Variants in VAV2 observed in about 807,000 individuals in gnomAD.
VAV2 encodes guanine nucleotide exchange factor VAV2.
Under a neutral mutation model 132.5 loss-of-function variants are expected in VAV2, and 67 were observed. The ratio of observed to expected loss-of-function variants is 0.51; its 90% confidence interval spans 0.42 to 0.62. VAV2 has a LOEUF of 0.62. Among genes scored for constraint, VAV2 ranks in the 20% least tolerant of loss-of-function variants. The pLI is 0.00. For missense variants in VAV2, 938 were observed against 1,153.6 expected (o/e 0.81, Z 2.71); for synonymous variants, 492 against 443.5 (o/e 1.11, Z -1.37).
chr9:133,949,108 C>G (rs1024018712), intron 1 of VAV2, among the ~76,000 whole-genome samples: 6 of 152,176 alleles, frequency 3.9e-5, no homozygotes, highest in African/African-American at 1.2e-4. Flanking sequence ...TACGCTGGGC[C>G]CTCCTGCTTC....
chr9:133,852,829 G>A (rs145964186), intron 3 of VAV2, among the ~76,000 whole-genome samples: 2 of 152,130 alleles, frequency 1.3e-5, no homozygotes, highest in African/African-American at 4.8e-5. Flanking sequence ...CCTGCCACTC[G>A]GCTAGGGGTG....
rs1843030960 is a variant in VAV2 at position 133,991,830 on chromosome 9, A to G, written c.204+245T>C. Among the ~76,000 whole-genome samples, 2 of 150,958 alleles carry G rather than the reference A, an allele frequency of 1.3e-5. No homozygotes were observed. Among genetic ancestry groups the G allele is most frequent in the South Asian group, 4.1e-4 (2 of 4,830 alleles). ...GCGCAGACCGCGGAACCGGCGCACC[A>G]GAGCAGTGCCCGCGGGCGGCGGCGG... On this transcript the variant is annotated intron_variant, in intron 1 of 29. Transcript: ENST00000371850. The surrounding 1 kb of genome is among the most constrained non-coding windows in gnomAD (Gnocchi z 4.8).
chr9:133,958,222 A>G (rs1841852063), intron 1 of VAV2, among the ~76,000 whole-genome samples: 1 of 123,706 alleles, frequency 8.1e-6, no homozygotes, highest in African/African-American at 2.8e-5. Flanking sequence ...GATTAGTAAA[A>G]GAGGAAGGCA....
intron 2 of VAV2, among the ~76,000 whole-genome samples, chr9:133,871,558 A>T (rs1838057227): frequency 6.6e-6 from 1 of 152,090 alleles, no homozygotes; most frequent in African/African-American, 2.4e-5. Context: ...CCTTTGCCCC[A>T]GTCCCTTCTG....
intron 9 of VAV2, among the ~76,000 whole-genome samples, chr9:133,798,163 C>G (rs1049922517): frequency 6.6e-6 from 1 of 152,166 alleles, no homozygotes; most frequent in African/African-American, 2.4e-5. Context: ...CCTGACATCC[C>G]CCCAGGAAAG....
intron 12 of VAV2, among the ~76,000 whole-genome samples, chr9:133,792,644 A>C (rs1834537494): frequency 6.6e-6 from 1 of 151,108 alleles, no homozygotes; most frequent in Non-Finnish European, 1.5e-5. Flanking sequence ...GTGTGCATGC[A>C]CGCACATACA....
chr9:133,878,508 G>C (rs1203667279), intron 2 of VAV2, among the ~76,000 whole-genome samples: 1 of 152,184 alleles, frequency 6.6e-6, no homozygotes, highest in African/African-American at 2.4e-5. Flanking sequence ...GAGTAAGGGA[G>C]ACAACACACT....
intron 4 of VAV2, among the ~76,000 whole-genome samples, chr9:133,820,177 T>G (rs1835728706): frequency 6.6e-6 from 1 of 152,202 alleles, no homozygotes. Context: ...GAACAGATCC[T>G]AGAGGCAGAC....
At chr9:133,872,346 G>A (rs1177906424) in intron 2 of VAV2, among the ~76,000 whole-genome samples, 2 of 152,238 alleles carry the variant, frequency 1.3e-5, no homozygotes, top group African/African-American at 4.8e-5. Flanking sequence ...TGCTGGGTGG[G>A]TGACTGCGAG....
At position 133,779,850 on chromosome 9, in the gene VAV2, C is replaced by A. The variant is rs1034663729; in HGVS notation, c.1762+68G>T. 17 of 1,580,546 alleles carry A rather than the reference C, an allele frequency of 1.1e-5. No individual in the cohort carries two copies. The Admixed American group carries it at 2.9e-4, about 27-fold the overall frequency. ...AGACCTGGCCATCACCACACCTAGG[C>A]CCTGGCTCAGCTCCCAGGTGATGGC... On this transcript the variant is annotated intron_variant, in intron 21 of 29. Coordinates refer to ENST00000371850, the MANE Select transcript of VAV2 (RefSeq NM_001134398.2).
chr9:133,920,124 A>C (rs1840242684), intron 2 of VAV2, among the ~76,000 whole-genome samples: 1 of 152,084 alleles, frequency 6.6e-6, no homozygotes, highest in Non-Finnish European at 1.5e-5. Context: ...ACTCCTGCAC[A>C]TGCAGCCAGC....
chr9:133,925,556 A>C (rs944772131), intron 2 of VAV2, among the ~76,000 whole-genome samples: 4 of 152,196 alleles, frequency 2.6e-5, no homozygotes, highest in African/African-American at 9.6e-5. Context: ...CAAAAGGATC[A>C]CCCAGGGCTC....
chr9:133,809,080 G>T lies in VAV2; in HGVS notation c.626C>A (p.Thr209Asn). 5 of 1,613,990 alleles carry T rather than the reference G, an allele frequency of 3.1e-6. No homozygotes were observed. Among genetic ancestry groups the T allele is most frequent in the Non-Finnish European group, 4.2e-6 (5 of 1,179,946 alleles). Residue 209 changes from threonine (T) to asparagine (N), a missense_variant, in exon 7 of 30, where the codon ACC becomes AAC. Physicochemically the swap from Thr to Asn is moderately conservative, Grantham distance 65. Coordinates refer to ENST00000371850, the MANE Select transcript of VAV2 (RefSeq NM_001134398.2). ...RNCCLLEIQETEAKYYRTLED... is the reference protein window; with the variant it reads ...RNCCLLEIQENEAKYYRTLED... ...CAGGGTGCGGTAGTACTTGGCCTCGGTCTCCTGGATCTCCAGCAGGCAGCA... is the reference window on the plus strand; with the variant it reads ...CAGGGTGCGGTAGTACTTGGCCTCGTTCTCCTGGATCTCCAGCAGGCAGCA...
At position 133,794,693 on chromosome 9, in the gene VAV2, C is replaced by T. The variant is rs117198389; in HGVS notation, c.1101+975G>A. 0.014 allele frequency among the ~76,000 whole-genome samples: 2,193 copies of T among 152,248 alleles called. 28 individuals carry two copies. Among genetic ancestry groups the T allele is most frequent in the Non-Finnish European group, 0.021 (1,461 of 67,992 alleles). ...TGGCAGAGGTGTCCTGTGCTCCCGACGAGGGAGATGTGGGGGGGGTCGTCA... is the reference window on the plus strand; with the variant it reads ...TGGCAGAGGTGTCCTGTGCTCCCGATGAGGGAGATGTGGGGGGGGTCGTCA... On this transcript the variant is annotated intron_variant, in intron 12 of 29. Transcript: ENST00000371850. This position sits in a 1 kb window ranked among gnomAD's most constrained non-coding sequence, Gnocchi z 4.6.
rs1213991358 is a variant in VAV2, at chr9:133,885,295, C to T, written c.322-23863G>A. Among the ~76,000 whole-genome samples the T allele has an allele frequency of 1.3e-5, 2 of 152,234 alleles. No individual in the cohort carries two copies. Among genetic ancestry groups the T allele is most frequent in the Non-Finnish European group, 2.9e-5 (2 of 68,038 alleles). Reference sequence around the variant, plus strand: ...GGTCCATGTCCAGCCGCAGTGGAAGCGCCTGCCCTGCCCAGCTGCACTGTC... The same window carrying T: ...GGTCCATGTCCAGCCGCAGTGGAAGTGCCTGCCCTGCCCAGCTGCACTGTC... On this transcript the variant is annotated intron_variant, in intron 2 of 29. Transcript: ENST00000371850. The surrounding 1 kb of genome is among the most constrained non-coding windows in gnomAD (Gnocchi z 5.0).
In VAV2 at chr9:133,883,563, C is replaced by G. The variant is rs1335071291; in HGVS notation, c.322-22131G>C. Among the ~76,000 whole-genome samples the G allele has an allele frequency of 6.6e-6, 1 of 152,118 alleles. No homozygotes were observed. Among genetic ancestry groups the G allele is most frequent in the African/African-American group, 2.4e-5 (1 of 41,418 alleles). On this transcript the variant is annotated intron_variant, in intron 2 of 29. Coordinates refer to ENST00000371850, the MANE Select transcript of VAV2 (RefSeq NM_001134398.2). This position sits in a 1 kb window ranked among gnomAD's most constrained non-coding sequence, Gnocchi z 4.2. ...CAGCCACGGCAGGCAGACAGCCCAGCAGAGACTCCCAAGTCATCCCCAGCC... is the reference window on the plus strand; with the variant it reads ...CAGCCACGGCAGGCAGACAGCCCAGGAGAGACTCCCAAGTCATCCCCAGCC...
intron 4 of VAV2, among the ~76,000 whole-genome samples, chr9:133,822,006 C>T (rs961928995): frequency 3.3e-5 from 5 of 152,176 alleles, no homozygotes; most frequent in Non-Finnish European, 1.5e-5. Flanking sequence ...AGGAGGGGCC[C>T]CGAGCACGGC....
At chr9:133,845,911 C>G (rs1187209134) in intron 3 of VAV2, among the ~76,000 whole-genome samples, 2 of 152,146 alleles carry the variant, frequency 1.3e-5, no homozygotes, top group Non-Finnish European at 2.9e-5. Flanking sequence ...CTCAGGAGTC[C>G]CAGGACAGCC....
At chr9:133,865,491 C>T (rs917317068) in intron 2 of VAV2, among the ~76,000 whole-genome samples, 1 of 152,180 alleles carries the variant, frequency 6.6e-6, no homozygotes, top group Non-Finnish European at 1.5e-5. Flanking sequence ...ACCTAGACTA[C>T]TGTTTAAGAC....
Sources: gnomAD v4.1 joint callset for allele counts (sites outside exome capture counted in the v4.1 genomes callset) on GRCh38, gnomAD v4.1.1 for gene constraint, Gnocchi (gnomAD v3.1) non-coding constraint, MANE v1.5 for transcripts, NCBI Gene and HGNC (gene_info 2026-07-23, HGNC 2026-07-21) for gene names.